The following PAMR1 variants were observed in gnomAD, a reference collection of about 807,000 sequenced individuals.
PAMR1 encodes peptidase domain containing associated with muscle regeneration 1.
PAMR1 carries 88 observed loss-of-function variants against 81.8 expected under a neutral mutation model. The observed-to-expected ratio is 1.08, with a 90% CI of 0.91 to 1.28. The LOEUF (loss-of-function observed/expected upper bound fraction) is 1.28. Ranked by LOEUF, PAMR1 falls within the 50% of genes most tolerant of loss-of-function variation. The pLI is 0.00. For synonymous variants in PAMR1, 336 were observed against 345.3 expected, an observed-to-expected ratio of 0.97 and a Z score of 0.30; for missense variants, 935 against 919.7, an observed-to-expected ratio of 1.02 and a Z score of -0.21.
rs1042443142 is a variant in PAMR1 at position 35,470,781 on chromosome 11, G to A, written c.532C>T (p.Gln178Ter). The A allele has an allele frequency of 6.2e-7, 1 of 1,613,936 alleles. No individual in the cohort carries two copies. The highest frequency in any genetic ancestry group is 8.5e-7 in the Non-Finnish European group (1 of 1,179,962). ...MLSLEFDYMC[Q>*]YDYVEVRDGD... is the part of the protein sequence containing the mutation. ...TCACGAACCTCAACATAGTCATACTGGCACATGTAGTCAAACTCCAGGCTC... is the reference window on the plus strand; with the variant it reads ...TCACGAACCTCAACATAGTCATACTAGCACATGTAGTCAAACTCCAGGCTC... The change falls in exon 5 of 11, where the codon CAG becomes TAG. Residue 178 changes from glutamine to a stop codon, truncating the protein, a stop_gained. Transcript: ENST00000619888. LOFTEE classifies it high-confidence loss of function.
chr11:35,473,844 G>A (rs1190321900), intron 4 of PAMR1, among the ~76,000 whole-genome samples: 4 of 152,174 alleles, frequency 2.6e-5, no homozygotes, highest in African/African-American at 9.7e-5. Flanking sequence ...AAAATGAGAA[G>A]AGCTAAGTGG....
At chr11:35,497,863 T>A (rs201549319) in intron 1 of PAMR1, among the ~76,000 whole-genome samples, 9 of 152,186 alleles carry the variant, frequency 5.9e-5, no homozygotes, top group South Asian at 2.1e-4. Context: ...CTTTCTTTTT[T>A]TATATATATA....
intron 4 of PAMR1, among the ~76,000 whole-genome samples, chr11:35,473,223 T>G (rs1850222490): frequency 6.6e-6 from 1 of 152,198 alleles, no homozygotes; most frequent in Non-Finnish European, 1.5e-5. Flanking sequence ...ATTTCCATCA[T>G]TATTACTGTC....
rs151313185 is a variant in PAMR1, at chr11:35,474,718, T to C, written c.406A>G (p.Lys136Glu). The C allele has an allele frequency of 6.2e-6, 10 of 1,611,068 alleles. 1 individual carries two copies. Among genetic ancestry groups the C allele is most frequent in the South Asian group, 5.5e-5 (5 of 90,358 alleles). Reference sequence around the variant, plus strand: ...TAGCTTTCCAACAAAATCTGACCCTTTGGGGCTCGCAGAACCTGGCCACAT... The same window carrying C: ...TAGCTTTCCAACAAAATCTGACCCTCTGGGGCTCGCAGAACCTGGCCACAT... ...MRCGQVLRAP[K>E]GQILLESYPL... The change falls in exon 4 of 11, where the codon AAG becomes GAG. Residue 136 changes from lysine (K) to glutamate (E), a missense_variant. Lys to Glu is a moderately conservative substitution (Grantham distance 56, BLOSUM62 1). Transcript: ENST00000619888.
intron 1 of PAMR1, among the ~76,000 whole-genome samples, chr11:35,506,794 G>C (rs911386123): frequency 2.0e-5 from 3 of 150,982 alleles, no homozygotes; most frequent in African/African-American, 7.3e-5. Context: ...AGTCTTATTT[G>C]GGTCAAACCT....
At chr11:35,525,677 C>T (rs542865110), upstream of PAMR1, 2 of 1,039,022 alleles carry the variant, frequency 1.9e-6, no homozygotes, top group Non-Finnish European at 1.5e-6. Context: ...GGGACCTCCC[C>T]GAGCCCCAGC....
intron 6 of PAMR1, among the ~76,000 whole-genome samples, chr11:35,446,001 G>A (rs1300499425): frequency 1.3e-5 from 2 of 152,054 alleles, no homozygotes; most frequent in African/African-American, 4.8e-5. Context: ...TTACTACCTC[G>A]ATTTCAGAAC....
At chr11:35,459,465 G>C (rs1421148956) in intron 6 of PAMR1, among the ~76,000 whole-genome samples, 1 of 152,266 alleles carries the variant, frequency 6.6e-6, no homozygotes, top group South Asian at 2.1e-4. Flanking sequence ...GAAGATTTCT[G>C]CTTCAGCTCC....
At chr11:35,515,920 T>C (rs1270987854) in intron 1 of PAMR1, among the ~76,000 whole-genome samples, 3 of 152,198 alleles carry the variant, frequency 2.0e-5, no homozygotes, top group South Asian at 4.1e-4. Flanking sequence ...AAGAGGATCA[T>C]GTAAGTTTCG....
intron 1 of PAMR1, among the ~76,000 whole-genome samples, chr11:35,521,245 T>C (rs1851270665): frequency 6.6e-6 from 1 of 152,218 alleles, no homozygotes; most frequent in South Asian, 2.1e-4. Flanking sequence ...TAAAATATGT[T>C]AGACACTGAT....
intron 6 of PAMR1, among the ~76,000 whole-genome samples, chr11:35,460,351 G>C (rs997863683): frequency 4.7e-5 from 7 of 148,018 alleles, no homozygotes; most frequent in Non-Finnish European, 1.0e-4. Flanking sequence ...TATACTTTAA[G>C]TTCTAGGGTA....
intron 3 of PAMR1, among the ~76,000 whole-genome samples, chr11:35,490,932 C>G (rs1023678555): frequency 6.6e-6 from 1 of 152,188 alleles, no homozygotes; most frequent in African/African-American, 2.4e-5. Context: ...CTGTTTCATT[C>G]TAGAGCTTGT....
intron 1 of PAMR1, among the ~76,000 whole-genome samples, chr11:35,520,891 A>T (rs1851258523): frequency 6.6e-6 from 1 of 152,262 alleles, no homozygotes; most frequent in Non-Finnish European, 1.5e-5. Context: ...ACCTGTCATT[A>T]GGTCCCAGGC....
intron 1 of PAMR1, among the ~76,000 whole-genome samples, chr11:35,514,967 T>G (rs927290522): frequency 2.0e-5 from 3 of 152,242 alleles, no homozygotes; most frequent in Non-Finnish European, 4.4e-5. Flanking sequence ...ATTGTGCCAC[T>G]GCACTTCAAC....
At chr11:35,502,089 CCTGT>C (rs1166889561) in intron 1 of PAMR1, among the ~76,000 whole-genome samples, 1 of 152,092 alleles carries the variant, frequency 6.6e-6, no homozygotes, top group Non-Finnish European at 1.5e-5. Context: ...CATGTTATTG[CCTGT>C]CTTTTTGATA....
intron 1 of PAMR1, among the ~76,000 whole-genome samples, chr11:35,511,019 C>A (rs1192176414): frequency 1.3e-5 from 2 of 152,208 alleles, no homozygotes; most frequent in African/African-American, 4.8e-5. Context: ...AGACATTTAA[C>A]CTCTTGGTCC....
chr11:35,508,718 C>A (rs71480077), intron 1 of PAMR1, among the ~76,000 whole-genome samples: 10,924 of 151,026 alleles, frequency 0.072, 407 homozygotes, highest in South Asian at 0.13. Context: ...GCCCCAGTGT[C>A]CATTGTTCCC....
chr11:35,464,768 T>C (rs1232924427), intron 6 of PAMR1, among the ~76,000 whole-genome samples: 1 of 152,252 alleles, frequency 6.6e-6, no homozygotes, highest in African/African-American at 2.4e-5. Flanking sequence ...AATGTTCTCT[T>C]TTTATTCTAT....
chr11:35,479,309 GTT>G (rs1850339574), intron 3 of PAMR1, among the ~76,000 whole-genome samples: 2 of 152,132 alleles, frequency 1.3e-5, no homozygotes, highest in Admixed American at 1.3e-4. Context: ...CCACTTACTA[GTT>G]GTGTGACTCT....
Sources: allele counts gnomAD v4.1 joint callset (sites outside exome capture counted in the v4.1 genomes callset), GRCh38; gene constraint gnomAD v4.1.1; transcripts MANE v1.5; gene names NCBI Gene and HGNC (gene_info 2026-07-23, HGNC 2026-07-21).